SPIDR: variants seen among roughly 807,000 people sequenced by gnomAD.
SPIDR encodes the protein scaffold protein involved in DNA repair.
Under a neutral mutation model 104.6 loss-of-function variants are expected in SPIDR, and 93 were observed. The observed-to-expected ratio is 0.89, with a 90% CI of 0.75 to 1.06. SPIDR has a LOEUF of 1.06. Among genes scored for constraint, SPIDR ranks in the 50% least tolerant of loss-of-function variants. The pLI is 0.00. For missense variants in SPIDR, 1,154 were observed against 1,111.2 expected (o/e 1.04, Z -0.55); for synonymous variants, 431 against 416.9 (o/e 1.03, Z -0.41).
rs36084278 is a variant in SPIDR, at chr8:47,587,609, CAAAAAAAA to C, written c.1098-8186_1098-8179del. On this transcript the variant is annotated intron_variant, in intron 8 of 19. Transcript: ENST00000297423. Reference sequence around the variant, plus strand: ...TGGGCGACAGAGCAAGACCCTGCCTCAAAAAAAAAAAAAAAAAAAAAAATCAACTGGTG... The same window carrying C: ...TGGGCGACAGAGCAAGACCCTGCCTCAAAAAAAAAAAAAAATCAACTGGTG... Among the ~76,000 whole-genome samples, 304 of 58,848 alleles carry C rather than the reference CAAAAAAAA, an allele frequency of 5.2e-3. 2 individuals are homozygous for C. The highest frequency in any genetic ancestry group is 9.2e-3 in the Non-Finnish European group (232 of 25,338). The allele number at this position is 58,848 out of a possible 152,430, so 38.6% of individuals were successfully genotyped here.
chr8:47,476,590 C>T (rs1419466545), intron 8 of SPIDR, among the ~76,000 whole-genome samples: 2 of 152,140 alleles, frequency 1.3e-5, no homozygotes, highest in East Asian at 1.9e-4. Context: ...TCACCACCTC[C>T]GAGACTCCCT....
chr8:47,278,345 G>A (rs1427888794), intron 1 of SPIDR, among the ~76,000 whole-genome samples: 2 of 150,236 alleles, frequency 1.3e-5, no homozygotes, highest in African/African-American at 2.5e-5. Flanking sequence ...TCAAAGACAG[G>A]ATCTTGCTCT....
intron 8 of SPIDR, among the ~76,000 whole-genome samples, chr8:47,474,532 T>A (rs1271947468): frequency 6.6e-6 from 1 of 152,210 alleles, no homozygotes; most frequent in African/African-American, 2.4e-5. Flanking sequence ...GACGGGCAGC[T>A]CTTTGCCTTT....
rs755970698 is a variant in SPIDR at position 47,598,993 on chromosome 8, G to T, written c.1341G>T (p.Gly447=). The part of the protein sequence containing the change: ...VATTGTAWTH[G]HKEAKQRIPT... ...CTACAGGGACAGCCTGGACCCATGG[G>T]CACAAAGAAGCAAAACAGCGCATCC... The change falls in exon 10 of 20, where the codon GGG becomes GGT. Residue 447 remains glycine, a synonymous_variant. Coordinates refer to ENST00000297423, the MANE Select transcript of SPIDR (RefSeq NM_001080394.4). The T allele has an allele frequency of 1.9e-6, 3 of 1,613,792 alleles. No individual in the cohort carries two copies. Among genetic ancestry groups the T allele is most frequent in the Admixed American group, 3.3e-5 (2 of 59,974 alleles).
intron 8 of SPIDR, among the ~76,000 whole-genome samples, chr8:47,594,991 T>C (rs1432956834): frequency 6.6e-6 from 1 of 151,834 alleles, no homozygotes; most frequent in African/African-American, 2.4e-5. Context: ...GCCGAGACCA[T>C]GTCTCAAAAA....
intron 5 of SPIDR, among the ~76,000 whole-genome samples, chr8:47,309,386 T>A (rs1437929770): frequency 6.6e-6 from 1 of 152,224 alleles, no homozygotes; most frequent in Non-Finnish European, 1.5e-5. Flanking sequence ...TATCTGTTCA[T>A]TATCTTAGTA....
chr8:47,663,849 C>T (rs1043671967), intron 10 of SPIDR, among the ~76,000 whole-genome samples: 1 of 152,144 alleles, frequency 6.6e-6, no homozygotes, highest in Non-Finnish European at 1.5e-5. Context: ...GACCAGCTTT[C>T]AGAATAGCAG....
rs1375950867 is a variant in SPIDR at position 47,386,909 on chromosome 8, A to G, written c.526-9467A>G. Among the ~76,000 whole-genome samples, 98 of 4,214 alleles carry G rather than the reference A, an allele frequency of 0.023. 4 individuals carry two copies. The East Asian group carries it at 0.35, about 15-fold the overall frequency. The allele number at this position is 4,214 out of a possible 152,430, so 2.8% of individuals were successfully genotyped here. ...GAGAGAGAAAGAGAGAGAGAGATAT[A>G]GATATAGATATAGATATAGATATAG... On this transcript the variant is annotated intron_variant, in intron 5 of 19. Transcript: ENST00000297423.
chr8:47,565,705 T>C (rs1439638297), intron 8 of SPIDR, among the ~76,000 whole-genome samples: 1 of 151,448 alleles, frequency 6.6e-6, no homozygotes, highest in Non-Finnish European at 1.5e-5. Context: ...GCTTTTTTAC[T>C]TAATATTTTA....
chr8:47,425,152 G>A (rs1554683823), intron 7 of SPIDR, among the ~76,000 whole-genome samples: 1 of 152,106 alleles, frequency 6.6e-6, no homozygotes, highest in African/African-American at 2.4e-5. Flanking sequence ...ATATTTCTGT[G>A]TTTATTCTTG....
chr8:47,545,089 TTC>T (rs2089027738), intron 8 of SPIDR, among the ~76,000 whole-genome samples: 1 of 132,944 alleles, frequency 7.5e-6, no homozygotes, highest in South Asian at 2.8e-4. Context: ...CTTTCTTTCT[TTC>T]TTTCTTTCTT....
intron 8 of SPIDR, among the ~76,000 whole-genome samples, chr8:47,465,076 T>C (rs143650694): frequency 1.3e-5 from 2 of 152,258 alleles, no homozygotes; most frequent in African/African-American, 4.8e-5. Flanking sequence ...TCAACATTCT[T>C]AAAGAAAGAA....
chr8:47,550,116 T>C (rs995755833), intron 8 of SPIDR, among the ~76,000 whole-genome samples: 4 of 152,218 alleles, frequency 2.6e-5, no homozygotes, highest in Non-Finnish European at 5.9e-5. Context: ...TTCTATTCCA[T>C]TGGTCTGTAT....
At chr8:47,621,577 A>G (rs890776653) in intron 10 of SPIDR, among the ~76,000 whole-genome samples, 2 of 152,314 alleles carry the variant, frequency 1.3e-5, no homozygotes, top group Admixed American at 6.5e-5. Context: ...GTGTGCACAT[A>G]TCCATTTGGC....
At chr8:47,684,277 A>C (rs1348026441) in intron 11 of SPIDR, among the ~76,000 whole-genome samples, 1 of 151,840 alleles carries the variant, frequency 6.6e-6, no homozygotes. Context: ...TCCACTACCT[A>C]CTCCCACATA....
At chr8:47,709,095 C>G (rs990229524) in intron 14 of SPIDR, among the ~76,000 whole-genome samples, 2 of 151,858 alleles carry the variant, frequency 1.3e-5, no homozygotes, top group African/African-American at 4.8e-5. Flanking sequence ...GCCTTAGCCT[C>G]TCGAGTAGCT....
At chr8:47,331,364 A>G (rs1275825365) in intron 5 of SPIDR, among the ~76,000 whole-genome samples, 1 of 152,198 alleles carries the variant, frequency 6.6e-6, no homozygotes, top group East Asian at 1.9e-4. Flanking sequence ...GGTTTAGTCT[A>G]CTACACACCT....
At position 47,622,506 on chromosome 8, in the gene SPIDR, C is replaced by T. The variant is rs1321615614; in HGVS notation, c.1544+23310C>T. On this transcript the variant is annotated intron_variant, in intron 10 of 19. Coordinates refer to ENST00000297423, the MANE Select transcript of SPIDR (RefSeq NM_001080394.4). ...GACCTGACGCGGGTCTCCTTTGGTG[C>T]TCTGCCTCACCTGCTGCAGCCTCAC... Among the ~76,000 whole-genome samples the T allele has an allele frequency of 2.6e-5, 4 of 152,256 alleles. 1 individual carries two copies. Among genetic ancestry groups the T allele is most frequent in the Middle Eastern group, 6.8e-3 (2 of 294 alleles).
At chr8:47,511,137 G>A in intron 8 of SPIDR, 1 of 1,535,584 alleles carries the variant, frequency 6.5e-7, no homozygotes. Context: ...TGAGGATAAA[G>A]CTGGTGGCAG....
Sources: allele counts gnomAD v4.1 joint callset (sites outside exome capture counted in the v4.1 genomes callset), GRCh38; gene constraint gnomAD v4.1.1; transcripts MANE v1.5; gene names NCBI Gene and HGNC (gene_info 2026-07-23, HGNC 2026-07-21).